The following RIMS1 variants were observed in gnomAD, a reference collection of about 807,000 sequenced individuals.
RIMS1 encodes the protein regulating synaptic membrane exocytosis 1, also known as regulating synaptic membrane exocytosis protein 1.
In RIMS1, 83 loss-of-function variants were observed where a neutral mutation model predicts 214.1. The observed-to-expected ratio is 0.39, with a 90% confidence interval of 0.32 to 0.47. The LOEUF (loss-of-function observed/expected upper bound fraction) is 0.47. Ranked by LOEUF, RIMS1 falls within the 20% of genes least tolerant of loss-of-function variation. The pLI, the probability that RIMS1 is intolerant of heterozygous loss-of-function variation, is 0.99. For synonymous variants in RIMS1, 793 were observed against 786.8 expected (o/e 1.01, Z -0.13); for missense variants, 2,050 against 2,161.8 (o/e 0.95, Z 1.03).
At chr6:72,304,949 T>G (rs2095005389) in intron 26 of RIMS1, among the ~76,000 whole-genome samples, 1 of 150,398 alleles carries the variant, frequency 6.6e-6, no homozygotes, top group Non-Finnish European at 1.5e-5. Context: ...TAATGTTAAT[T>G]TGGAGATTTT....
chr6:72,019,244 G>A (rs762660557), intron 2 of RIMS1, among the ~76,000 whole-genome samples: 9 of 151,944 alleles, frequency 5.9e-5, no homozygotes, highest in South Asian at 4.2e-4. Context: ...TGTCAGTATA[G>A]TGTAATTGGC....
At chr6:72,252,878 T>G in intron 16 of RIMS1, 46 bp downstream of exon 16, 1 of 1,437,644 alleles carries the variant, frequency 7.0e-7, no homozygotes, top group African/African-American at 1.4e-5. Flanking sequence ...GCTGCTTTGC[T>G]TGTTTTCTCT....
At chr6:72,121,864 G>T (rs571485880) in intron 4 of RIMS1, among the ~76,000 whole-genome samples, 1 of 151,848 alleles carries the variant, frequency 6.6e-6, no homozygotes. Context: ...TAGGATAAAG[G>T]GCTGTTGAAT....
intron 2 of RIMS1, among the ~76,000 whole-genome samples, chr6:72,088,502 C>G (rs551104741): frequency 1.3e-5 from 2 of 152,230 alleles, no homozygotes; most frequent in African/African-American, 4.8e-5. Context: ...AGGTGATCTA[C>G]CTGCCTCAGC....
intron 2 of RIMS1, among the ~76,000 whole-genome samples, chr6:72,047,337 T>G (rs1823359777): frequency 6.6e-6 from 1 of 152,202 alleles, no homozygotes; most frequent in South Asian, 2.1e-4. Flanking sequence ...CATGGAATTT[T>G]CAGCTTCTCC....
intron 23 of RIMS1, among the ~76,000 whole-genome samples, chr6:72,278,231 A>G (rs1265696303): frequency 6.6e-6 from 1 of 152,152 alleles, no homozygotes; most frequent in East Asian, 1.9e-4. Context: ...TTAGTAGTGC[A>G]TGACTCAAAT....
intron 4 of RIMS1, among the ~76,000 whole-genome samples, chr6:72,111,347 C>A (rs926947350): frequency 3.3e-5 from 5 of 152,110 alleles, no homozygotes; most frequent in East Asian, 1.9e-4. Context: ...CTCAAAGCTA[C>A]TCTTATATGA....
intron 4 of RIMS1, among the ~76,000 whole-genome samples, chr6:72,127,891 C>T (rs1320014280): frequency 6.6e-6 from 1 of 152,068 alleles, no homozygotes; most frequent in Non-Finnish European, 1.5e-5. Context: ...AGGTACAACC[C>T]ACTCCATACA....
intron 2 of RIMS1, among the ~76,000 whole-genome samples, chr6:71,983,165 G>A (rs950683962): frequency 1.4e-5 from 2 of 140,460 alleles, no homozygotes; most frequent in African/African-American, 5.3e-5. Context: ...GGTTATACCT[G>A]CCTTCCTAGA....
chr6:72,205,877 T>G (rs1289875528), intron 6 of RIMS1, among the ~76,000 whole-genome samples: 2 of 152,120 alleles, frequency 1.3e-5, no homozygotes, highest in African/African-American at 4.8e-5. Flanking sequence ...CATGAAAATC[T>G]TGTTATATAT....
intron 2 of RIMS1, among the ~76,000 whole-genome samples, chr6:72,017,011 T>C (rs954587695): frequency 1.8e-4 from 28 of 152,214 alleles, no homozygotes; most frequent in African/African-American, 6.5e-4. Flanking sequence ...TATTATTAGC[T>C]GAGTTCAGTC....
At chr6:72,392,057 C>G (rs1273589329) in intron 30 of RIMS1, among the ~76,000 whole-genome samples, 1 of 152,174 alleles carries the variant, frequency 6.6e-6, no homozygotes, top group Non-Finnish European at 1.5e-5. Context: ...TATTGAATGC[C>G]TATCACATAA....
intron 2 of RIMS1, among the ~76,000 whole-genome samples, chr6:72,091,148 C>G (rs1205865998): frequency 6.6e-6 from 1 of 152,242 alleles, no homozygotes; most frequent in Non-Finnish European, 1.5e-5. Context: ...TGCATGCAAA[C>G]TATCCTGGCC....
intron 4 of RIMS1, among the ~76,000 whole-genome samples, chr6:72,112,370 T>G (rs2036275295): frequency 6.6e-6 from 1 of 152,106 alleles, no homozygotes; most frequent in Non-Finnish European, 1.5e-5. Flanking sequence ...ATTGTTTGAA[T>G]GTGTAAACCA....
intron 16 of RIMS1, among the ~76,000 whole-genome samples, chr6:72,257,909 C>A (rs970981049): frequency 9.9e-5 from 15 of 152,130 alleles, no homozygotes; most frequent in African/African-American, 3.6e-4. Flanking sequence ...CTCCATGGTT[C>A]CTTTGAGCAA....
chr6:72,182,053 T>C (rs2048477204), intron 5 of RIMS1, among the ~76,000 whole-genome samples: 1 of 152,228 alleles, frequency 6.6e-6, no homozygotes, highest in Non-Finnish European at 1.5e-5. Flanking sequence ...CTAAATGTAG[T>C]ACAAGCATGA....
chr6:71,955,026 A>T (rs1790809110), intron 1 of RIMS1, among the ~76,000 whole-genome samples: 1 of 152,152 alleles, frequency 6.6e-6, no homozygotes, highest in South Asian at 2.1e-4. Flanking sequence ...TTTGAAATAC[A>T]TCCATATCAT....
chr6:72,022,003 T>G (rs542182359), intron 2 of RIMS1, among the ~76,000 whole-genome samples: 1 of 152,128 alleles, frequency 6.6e-6, no homozygotes, highest in Non-Finnish European at 1.5e-5. Context: ...TCCAAGCAGT[T>G]TTATCCTCAA....
chr6:71,915,171 C>G (rs1777983930), intron 1 of RIMS1, among the ~76,000 whole-genome samples: 1 of 151,892 alleles, frequency 6.6e-6, no homozygotes, highest in Non-Finnish European at 1.5e-5. Flanking sequence ...AATCCTGTAC[C>G]CTTATATATT....
Sources: allele counts gnomAD v4.1 joint callset (sites outside exome capture counted in the v4.1 genomes callset), GRCh38; gene constraint gnomAD v4.1.1; transcripts MANE v1.5; gene names NCBI Gene and HGNC (gene_info 2026-07-23, HGNC 2026-07-21).